Variants in EXOC4 observed in about 807,000 individuals in gnomAD.
EXOC4 encodes the protein exocyst complex component 4.
EXOC4 carries 71 observed loss-of-function variants against 107.2 expected under a neutral mutation model. The ratio of observed to expected loss-of-function variants is 0.66; its 90% CI spans 0.55 to 0.81. The LOEUF (loss-of-function observed/expected upper bound fraction) is 0.81, where lower values mean the gene tolerates loss of function less well. Ranked by LOEUF, EXOC4 falls within the 30% of genes least tolerant of loss-of-function variation. EXOC4 has a pLI of 0.00. For synonymous variants in EXOC4, 456 were observed against 441.2 expected, an observed-to-expected ratio of 1.03 and a Z score of -0.42; for missense variants, 1,108 against 1,189.6, an observed-to-expected ratio of 0.93 and a Z score of 1.01.
chr7:133,691,399 G>A (rs916542875), intron 10 of EXOC4, among the ~76,000 whole-genome samples: 34 of 152,186 alleles, frequency 2.2e-4, no homozygotes, highest in African/African-American at 6.5e-4. Context: ...CCTGGGAATG[G>A]GATAGCTTCT....
chr7:133,344,395 C>T (rs189889945), intron 5 of EXOC4, among the ~76,000 whole-genome samples: 1 of 152,152 alleles, frequency 6.6e-6, no homozygotes, highest in Non-Finnish European at 1.5e-5. Flanking sequence ...GTCTGTTCAT[C>T]ATTTTTTTGT....
intron 14 of EXOC4, among the ~76,000 whole-genome samples, chr7:133,959,061 A>T (rs1186951668): frequency 6.6e-6 from 1 of 152,204 alleles, no homozygotes; most frequent in Non-Finnish European, 1.5e-5. Flanking sequence ...GTGGTTCTCC[A>T]ATAAAAGAGA....
At chr7:133,782,574 C>T (rs1051208071) in intron 10 of EXOC4, among the ~76,000 whole-genome samples, 4 of 152,138 alleles carry the variant, frequency 2.6e-5, no homozygotes, top group Non-Finnish European at 5.9e-5. Context: ...CAAATAAGGG[C>T]AGAAAAATGA....
chr7:133,316,757 T>C (rs1398538631), intron 4 of EXOC4, among the ~76,000 whole-genome samples: 1 of 152,296 alleles, frequency 6.6e-6, no homozygotes, highest in South Asian at 2.1e-4. Flanking sequence ...ATTGTTGTGA[T>C]TGTCCACGTC....
At position 133,983,228 on chromosome 7, in the gene EXOC4, C is replaced by G. The variant is rs190140349; in HGVS notation, c.2207-14264C>G. On this transcript the variant is annotated intron_variant, in intron 14 of 17. Coordinates refer to ENST00000253861, the MANE Select transcript of EXOC4 (RefSeq NM_021807.4). ...CACCAAGCCCTAAGGGATCCTCCCC[C>G]ATGACCCAAACACCTCCCACTAGGC... 8.5e-4 allele frequency among the ~76,000 whole-genome samples: 129 copies of G among 152,276 alleles called. 1 individual carries two copies. In the East Asian group the frequency reaches 0.022, roughly 26 times the overall value.
intron 11 of EXOC4, among the ~76,000 whole-genome samples, chr7:133,839,980 A>G (rs1172897589): frequency 2.2e-5 from 3 of 138,248 alleles, no homozygotes; most frequent in Non-Finnish European, 1.6e-5. Flanking sequence ...TATATCTGCC[A>G]TGATCTACAC....
chr7:133,340,761 G>A (rs994739884), intron 5 of EXOC4, among the ~76,000 whole-genome samples: 1 of 151,912 alleles, frequency 6.6e-6, no homozygotes, highest in Non-Finnish European at 1.5e-5. Context: ...TAGGAGGGTT[G>A]TATATTTCCA....
intron 10 of EXOC4, among the ~76,000 whole-genome samples, chr7:133,637,704 A>T (rs1159554233): frequency 6.6e-6 from 1 of 152,202 alleles, no homozygotes; most frequent in Non-Finnish European, 1.5e-5. Flanking sequence ...TGGTTGGTAT[A>T]CATAGATTTC....
intron 9 of EXOC4, among the ~76,000 whole-genome samples, chr7:133,517,861 G>T (rs1376630703): frequency 6.6e-6 from 1 of 152,070 alleles, no homozygotes; most frequent in Non-Finnish European, 1.5e-5. Context: ...CTTTCACTGG[G>T]CATATGCATA....
chr7:133,838,073 C>G (rs1222752901), intron 11 of EXOC4, among the ~76,000 whole-genome samples: 1 of 152,120 alleles, frequency 6.6e-6, no homozygotes, highest in Non-Finnish European at 1.5e-5. Flanking sequence ...GGGAGCAAAT[C>G]ATAACCCATT....
At chr7:133,635,789 C>T (rs1287310673) in intron 10 of EXOC4, among the ~76,000 whole-genome samples, 1 of 152,200 alleles carries the variant, frequency 6.6e-6, no homozygotes, top group Non-Finnish European at 1.5e-5. Flanking sequence ...TCCGAGTCCT[C>T]ACATGGCCTC....
At chr7:133,510,066 A>T (rs910111155) in intron 9 of EXOC4, among the ~76,000 whole-genome samples, 1 of 152,208 alleles carries the variant, frequency 6.6e-6, no homozygotes, top group African/African-American at 2.4e-5. Flanking sequence ...GTTTACAAAC[A>T]TTACCGTGAT....
intron 9 of EXOC4, among the ~76,000 whole-genome samples, chr7:133,488,474 A>G (rs1799311210): frequency 6.6e-6 from 1 of 152,138 alleles, no homozygotes; most frequent in Non-Finnish European, 1.5e-5. Context: ...TAAAACACTA[A>G]AGACTCAGAG....
At chr7:134,003,051 C>A (rs1585314016) in intron 15 of EXOC4, among the ~76,000 whole-genome samples, 1 of 152,250 alleles carries the variant, frequency 6.6e-6, no homozygotes, top group South Asian at 2.1e-4. Flanking sequence ...CCACAACCAC[C>A]TAAACCTGGA....
intron 17 of EXOC4, among the ~76,000 whole-genome samples, chr7:134,022,718 T>A (rs908239136): frequency 6.6e-6 from 1 of 152,218 alleles, no homozygotes; most frequent in African/African-American, 2.4e-5. Context: ...GCAGCTGTTT[T>A]AACAGGGAGC....
At chr7:133,907,599 T>A (rs538518473) in intron 12 of EXOC4, among the ~76,000 whole-genome samples, 42 of 152,198 alleles carry the variant, frequency 2.8e-4, no homozygotes, top group Non-Finnish European at 5.6e-4. Flanking sequence ...GCACTTTGGG[T>A]GGCCTAGGTG....
chr7:133,536,738 T>G (rs1223294854), intron 9 of EXOC4, among the ~76,000 whole-genome samples: 2 of 152,024 alleles, frequency 1.3e-5, no homozygotes, highest in East Asian at 3.9e-4. Context: ...GGGACTTTGA[T>G]CTGTCTTAAT....
intron 11 of EXOC4, among the ~76,000 whole-genome samples, chr7:133,882,450 T>C (rs924723608): frequency 3.9e-5 from 6 of 152,362 alleles, no homozygotes; most frequent in East Asian, 1.9e-4. Flanking sequence ...GTACCTGTTA[T>C]GTTCCAGGTC....
chr7:133,475,993 C>T (rs1473379417), intron 8 of EXOC4, among the ~76,000 whole-genome samples: 3 of 151,972 alleles, frequency 2.0e-5, no homozygotes, highest in African/African-American at 7.3e-5. Context: ...TTGGCAACAG[C>T]TAATAGTTAA....
Sources: gnomAD v4.1 joint callset for allele counts (sites outside exome capture counted in the v4.1 genomes callset) on GRCh38, gnomAD v4.1.1 for gene constraint, MANE v1.5 for transcripts, NCBI Gene and HGNC (gene_info 2026-07-23, HGNC 2026-07-21) for gene names.